The following DNAL4 variants were observed in gnomAD, a reference collection of about 807,000 sequenced individuals.
The protein encoded by DNAL4 is dynein light chain, outer arm 4.
In DNAL4, 10 loss-of-function variants were observed where a neutral mutation model predicts 12.6. That is an observed-to-expected ratio of 0.79 (90% CI 0.49 to 1.34). The LOEUF is 1.34. DNAL4 is among the 40% of genes most tolerant of loss of function. DNAL4 has a pLI of 0.00. For synonymous variants in DNAL4, 46 were observed against 53.1 expected, an observed-to-expected ratio of 0.87 and a Z score of 0.58; for missense variants, 128 against 138.1, an observed-to-expected ratio of 0.93 and a Z score of 0.37.
At position 38,779,448 on chromosome 22, in the gene DNAL4, G is replaced by A. The variant is rs142229719; in HGVS notation, c.*1C>T. The A allele has an allele frequency of 1.5e-5, 24 of 1,566,456 alleles. No individual in the cohort carries two copies. The highest frequency in any genetic ancestry group is 2.7e-5 in the African/African-American group (2 of 73,844). ...CAGGGGACGGGGCAGGGGACAGAGT[G>A]TCAGGAGCACTTCCAGACGCACACA... On this transcript the variant is annotated 3_prime_UTR_variant, in exon 4 of 4. Transcript: ENST00000216068. The surrounding 1 kb of genome is among the most constrained non-coding windows in gnomAD (Gnocchi z 4.3).
At chr22:38,781,984 C>G (rs946612693) in intron 2 of DNAL4, among the ~76,000 whole-genome samples, 15 of 152,232 alleles carry the variant, frequency 9.9e-5, no homozygotes, top group Non-Finnish European at 1.8e-4. Flanking sequence ...GAAAACCAAA[C>G]AGATCTCATC....
intron 3 of DNAL4, 41 bp downstream of exon 3, chr22:38,780,885 C>T: frequency 6.2e-7 from 1 of 1,607,240 alleles, no homozygotes; most frequent in Non-Finnish European, 8.5e-7. Flanking sequence ...CCCACAGGGG[C>T]CATCAAAAGC....
At chr22:38,786,616 T>C (rs2093042672) in intron 1 of DNAL4, among the ~76,000 whole-genome samples, 1 of 152,146 alleles carries the variant, frequency 6.6e-6, no homozygotes, top group South Asian at 2.1e-4. Flanking sequence ...CCAGGGTACT[T>C]GAATCTCCTG....
chr22:38,779,262 G>A lies in DNAL4; in HGVS notation c.*187C>T, dbSNP rs14040. ...CACACCCTGAGACTCCGAGGGAGAC[G>A]GTTGAGAGCCTGGGGATGGAGATGT... On this transcript the variant is annotated 3_prime_UTR_variant, in exon 4 of 4. Transcript: ENST00000216068. This position sits in a 1 kb window ranked among gnomAD's most constrained non-coding sequence, Gnocchi z 4.3. The A allele has an allele frequency of 0.79, 581,347 of 733,600 alleles. 232,873 individuals carry two copies. Among genetic ancestry groups the A allele is most frequent in the East Asian group, 0.89 (31,440 of 35,486 alleles). The allele number at this position is 733,600 out of a possible 1,614,324, so 45.4% of individuals were successfully genotyped here.
At chr22:38,785,259 T>C (rs1402321045) in intron 1 of DNAL4, 1 of 152,194 alleles carries the variant, frequency 6.6e-6, no homozygotes, top group Non-Finnish European at 1.5e-5. Flanking sequence ...TCCTCTACCT[T>C]TGTCCAGGTG....
chr22:38,788,222 T>C (rs2093045346), intron 1 of DNAL4, among the ~76,000 whole-genome samples: 1 of 152,092 alleles, frequency 6.6e-6, no homozygotes, highest in Non-Finnish European at 1.5e-5. Context: ...GGTCAGGAAA[T>C]GATGCAGAAG....
rs868655226 is a variant in DNAL4, at chr22:38,783,305, A to G, written c.-139-435T>C. On this transcript the variant is annotated intron_variant, in intron 1 of 3. Transcript: ENST00000216068. ...ACATACACGGGCCTTCCCTCCCACT[A>G]CACACACGGGCCTTCCCTCCCACTA... Among the ~76,000 whole-genome samples, 6 of 144,224 alleles carry G rather than the reference A, an allele frequency of 4.2e-5. 1 individual carries two copies. The highest frequency in any genetic ancestry group is 5.3e-5 in the African/African-American group (2 of 37,934). The allele number at this position is 144,224 out of a possible 152,430, so 94.6% of individuals were successfully genotyped here.
chr22:38,791,863 G>C (rs186245753), intron 1 of DNAL4, among the ~76,000 whole-genome samples: 8 of 149,802 alleles, frequency 5.3e-5, no homozygotes, highest in African/African-American at 1.7e-4. Flanking sequence ...GCTAATTTTT[G>C]TGTGTTGTTT....
Position 38,782,698 on chromosome 22 carries a change from C to T in DNAL4, c.34G>A (p.Asp12Asn). The T allele has an allele frequency of 6.2e-7, 1 of 1,612,430 alleles. No individual in the cohort carries two copies. Among genetic ancestry groups the T allele is most frequent in the Non-Finnish European group, 8.5e-7 (1 of 1,179,248 alleles). ...GGGAAGGTCTGCAGTCGCTTATAAT[C>T]AGCCTCATCTTTCTTCCCTTCTGTT... ...GETEGKKDEA[D>N]YKRLQTFPLV... is the part of the protein sequence containing the mutation. The change falls in exon 2 of 4, where the codon GAT becomes AAT. Residue 12 changes from aspartate (D) to asparagine (N), a missense_variant. By Grantham distance (23) the Asp-to-Asn change is conservative. Transcript: ENST00000216068. This position sits in a 1 kb window ranked among gnomAD's most constrained non-coding sequence, Gnocchi z 5.1.
At position 38,779,428 on chromosome 22, in the gene DNAL4, G is replaced by C. The variant is rs1449651504; in HGVS notation, c.*21C>G. ...AGTGGCAGGAAAAGGCCCTGCAGGG[G>C]ACGGGGCAGGGGACAGAGTGTCAGG... On this transcript the variant is annotated 3_prime_UTR_variant, in exon 4 of 4. Transcript: ENST00000216068. The surrounding 1 kb of genome is among the most constrained non-coding windows in gnomAD (Gnocchi z 4.3). The C allele has an allele frequency of 3.2e-6, 5 of 1,557,240 alleles. No individual in the cohort carries two copies. The highest frequency in any genetic ancestry group is 2.4e-5 in the East Asian group (1 of 41,828).
intron 1 of DNAL4, among the ~76,000 whole-genome samples, chr22:38,786,351 A>C (rs924830235): frequency 6.6e-6 from 1 of 152,074 alleles, no homozygotes; most frequent in African/African-American, 2.4e-5. Context: ...TTGAGGTCAG[A>C]AGTTCGAGAC....
At chr22:38,780,750 TG>T in intron 3 of DNAL4, 175 bp downstream of exon 3, 1 of 629,410 alleles carries the variant, frequency 1.6e-6, no homozygotes, top group Non-Finnish European at 2.8e-6. Context: ...CGTCAGTGCC[TG>T]GAGTCAGCGC....
At chr22:38,788,192 G>A (rs144191565) in intron 1 of DNAL4, among the ~76,000 whole-genome samples, 295 of 152,248 alleles carry the variant, frequency 1.9e-3, no homozygotes, top group South Asian at 3.7e-3. Context: ...TTGGGCATTC[G>A]TCCAAGACGC....
At chr22:38,790,737 A>T (rs1238698145) in intron 1 of DNAL4, among the ~76,000 whole-genome samples, 2 of 152,202 alleles carry the variant, frequency 1.3e-5, no homozygotes, top group African/African-American at 4.8e-5. Flanking sequence ...ACACAAACCT[A>T]GATGATGTAG....
chr22:38,785,945 AG>A (rs1603239908), intron 1 of DNAL4: 1 of 152,234 alleles, frequency 6.6e-6, no homozygotes, highest in Non-Finnish European at 1.5e-5. Flanking sequence ...AAGTTTACTA[AG>A]GGCCCTGACT....
chr22:38,788,041 C>T (rs2093045057), intron 1 of DNAL4, among the ~76,000 whole-genome samples: 1 of 152,242 alleles, frequency 6.6e-6, no homozygotes, highest in Non-Finnish European at 1.5e-5. Context: ...TACTCAGCAT[C>T]CACCCATCCA....
At chr22:38,787,155 G>A (rs2093043558) in intron 1 of DNAL4, among the ~76,000 whole-genome samples, 1 of 152,042 alleles carries the variant, frequency 6.6e-6, no homozygotes, top group Non-Finnish European at 1.5e-5. Context: ...CTCCACCGTC[G>A]GATCTGAATT....
chr22:38,785,439 C>T (rs1378833779), intron 1 of DNAL4: 1 of 152,188 alleles, frequency 6.6e-6, no homozygotes, highest in Non-Finnish European at 1.5e-5. Context: ...AAAGTGCTGG[C>T]ATGTAGGAGC....
chr22:38,789,025 G>A (rs1339411344), intron 1 of DNAL4, among the ~76,000 whole-genome samples: 1 of 152,122 alleles, frequency 6.6e-6, no homozygotes, highest in African/African-American at 2.4e-5. Context: ...TTGCCCCATG[G>A]GAGGGGAGAG....
Sources: gnomAD v4.1 joint callset for allele counts (sites outside exome capture counted in the v4.1 genomes callset) on GRCh38, gnomAD v4.1.1 for gene constraint, Gnocchi (gnomAD v3.1) non-coding constraint, MANE v1.5 for transcripts, NCBI Gene and HGNC (gene_info 2026-07-23, HGNC 2026-07-21) for gene names.